The following ATP11B variants were observed in gnomAD, a reference collection of about 807,000 sequenced individuals.
ATP11B encodes the protein ATPase phospholipid transporting 11B (putative), also known as phospholipid-transporting ATPase IF.
ATP11B carries 81 observed loss-of-function variants against 157.8 expected under a neutral mutation model. The observed-to-expected ratio is 0.51, with a 90% CI of 0.43 to 0.62. The LOEUF is 0.62. Ranked by LOEUF, ATP11B falls within the 20% of genes least tolerant of loss-of-function variation. ATP11B has a pLI of 0.00. For missense variants in ATP11B, 1,165 were observed against 1,402.2 expected, an observed-to-expected ratio of 0.83 and a Z score of 2.70; for synonymous variants, 451 against 469.4, an observed-to-expected ratio of 0.96 and a Z score of 0.51.
intron 19 of ATP11B, among the ~76,000 whole-genome samples, chr3:182,875,625 A>G (rs1182298492): frequency 1.3e-5 from 2 of 151,990 alleles, no homozygotes; most frequent in African/African-American, 4.8e-5. Flanking sequence ...ATTTTTAGTA[A>G]AGACAGGGTT....
intron 23 of ATP11B, among the ~76,000 whole-genome samples, chr3:182,887,336 C>T (rs545785552): frequency 5.9e-4 from 90 of 152,292 alleles, no homozygotes; most frequent in African/African-American, 2.2e-3. Context: ...GTTGATCTAA[C>T]TCACGATAAT....
chr3:182,900,309 AAATAAT>A (rs1723864662), intron 28 of ATP11B, among the ~76,000 whole-genome samples: 1 of 152,198 alleles, frequency 6.6e-6, no homozygotes, highest in South Asian at 2.1e-4. Flanking sequence ...AAAATCAGAA[AAATAAT>A]TGCTACTTTA....
At chr3:182,825,113 AAAGCCATGATG>A (rs1717627281) in intron 2 of ATP11B, among the ~76,000 whole-genome samples, 1 of 152,162 alleles carries the variant, frequency 6.6e-6, no homozygotes, top group Admixed American at 6.5e-5. Flanking sequence ...TCTATCTCAC[AAAGCCATGATG>A]AGCTTTTCTC....
At chr3:182,899,096 A>G (rs938462178) in intron 28 of ATP11B, among the ~76,000 whole-genome samples, 3 of 151,498 alleles carry the variant, frequency 2.0e-5, no homozygotes, top group Non-Finnish European at 4.4e-5. Flanking sequence ...ATTCTATCAT[A>G]TATATATAAT....
At chr3:182,842,211 A>G in intron 8 of ATP11B, 89 bp downstream of exon 8, 1 of 909,964 alleles carries the variant, frequency 1.1e-6, no homozygotes, top group Admixed American at 2.3e-5. Flanking sequence ...TTATGTAAAT[A>G]AGCAGCCCAT....
intron 9 of ATP11B, among the ~76,000 whole-genome samples, chr3:182,846,859 G>T (rs1719572624): frequency 6.6e-6 from 1 of 152,018 alleles, no homozygotes; most frequent in South Asian, 2.1e-4. Flanking sequence ...ATGGGTACAG[G>T]GTTTTCTTTG....
Position 182,816,894 on chromosome 3 carries a change from G to T in ATP11B, c.28-3366G>T, listed in dbSNP as rs373869190. The stretch of plus-strand genomic sequence containing the variant: ...TTCTTTTATTTTTATTTAGATTGTG[G>T]CTAGTTTAATTTGTTGCAGCAAAGT... On this transcript the variant is annotated intron_variant, in intron 1 of 29. Transcript: ENST00000323116. Among the ~76,000 whole-genome samples, 37 of 152,162 alleles carry T rather than the reference G, an allele frequency of 2.4e-4. No homozygotes were observed. In the East Asian group the frequency reaches 3.9e-3, roughly 16 times the overall value.
At chr3:182,797,735 G>T (rs1044538110) in intron 1 of ATP11B, among the ~76,000 whole-genome samples, 1 of 148,518 alleles carries the variant, frequency 6.7e-6, no homozygotes, top group African/African-American at 2.5e-5. Context: ...AAAGAAAAAA[G>T]AACTCTCATT....
intron 19 of ATP11B, among the ~76,000 whole-genome samples, chr3:182,879,221 A>G (rs970375664): frequency 2.0e-5 from 3 of 152,200 alleles, no homozygotes; most frequent in African/African-American, 4.8e-5. Flanking sequence ...GTGAGCCACT[A>G]TACTCCAGCC....
chr3:182,883,911 C>T (rs1320043861), intron 21 of ATP11B, among the ~76,000 whole-genome samples: 1 of 145,852 alleles, frequency 6.9e-6, no homozygotes, highest in African/African-American at 2.5e-5. Context: ...GCCGAGATCC[C>T]GCCACTGCAC....
In ATP11B at chr3:182,848,525, G is replaced by A; in HGVS notation, c.819G>A (p.Lys273=). ...GMETKMALNY[K]SKSQKRSAVE... Reference sequence around the variant, plus strand: ...AAACTAAGATGGCATTAAATTACAAGAGCAAATCACAGAAACGATCTGCAG... The same window carrying A: ...AAACTAAGATGGCATTAAATTACAAAAGCAAATCACAGAAACGATCTGCAG... Residue 273 remains lysine, a synonymous_variant, in exon 10 of 30, where the codon AAG becomes AAA. Coordinates refer to ENST00000323116, the MANE Select transcript of ATP11B (RefSeq NM_014616.3). 1 of 1,572,728 alleles carries A rather than the reference G, an allele frequency of 6.4e-7. No individual in the cohort carries two copies. Among genetic ancestry groups the A allele is most frequent in the Non-Finnish European group, 8.6e-7 (1 of 1,158,774 alleles).
At chr3:182,903,875 A>G (rs1353988996) in intron 28 of ATP11B, among the ~76,000 whole-genome samples, 1 of 152,236 alleles carries the variant, frequency 6.6e-6, no homozygotes, top group Non-Finnish European at 1.5e-5. Context: ...ATTGTGACTA[A>G]TTATATTTTT....
intron 10 of ATP11B, among the ~76,000 whole-genome samples, chr3:182,853,026 C>T (rs1720098922): frequency 6.6e-6 from 1 of 152,110 alleles, no homozygotes. Flanking sequence ...TAACATTATT[C>T]TAGAAGCCTC....
At chr3:182,901,355 A>C (rs1212393411) in intron 28 of ATP11B, among the ~76,000 whole-genome samples, 2 of 145,918 alleles carry the variant, frequency 1.4e-5, no homozygotes, top group Admixed American at 7.0e-5. Flanking sequence ...AAAAAAAAAC[A>C]AAAAAAAAAC....
chr3:182,855,244 C>A (rs1415441338), intron 10 of ATP11B, among the ~76,000 whole-genome samples: 1 of 152,064 alleles, frequency 6.6e-6, no homozygotes, highest in East Asian at 1.9e-4. Flanking sequence ...CCAGAACAGA[C>A]CAACACTAAT....
chr3:182,870,030 A>G (rs575576687), intron 17 of ATP11B, among the ~76,000 whole-genome samples: 1 of 152,330 alleles, frequency 6.6e-6, no homozygotes, highest in Admixed American at 6.5e-5. Context: ...TACTACATTT[A>G]TATGAAATAT....
intron 1 of ATP11B, among the ~76,000 whole-genome samples, chr3:182,801,226 T>A (rs1220186621): frequency 6.6e-6 from 1 of 152,218 alleles, no homozygotes; most frequent in African/African-American, 2.4e-5. Context: ...AATACCAAAT[T>A]AAGGATATTA....
At chr3:182,844,898 A>G (rs977846189) in intron 8 of ATP11B, among the ~76,000 whole-genome samples, 4 of 151,544 alleles carry the variant, frequency 2.6e-5, no homozygotes, top group Admixed American at 2.6e-4. Flanking sequence ...CTGTATTTAC[A>G]TGCATAATCA....
intron 9 of ATP11B, among the ~76,000 whole-genome samples, chr3:182,845,966 T>TA (rs1186020752): frequency 6.6e-6 from 1 of 152,202 alleles, no homozygotes; most frequent in Non-Finnish European, 1.5e-5. Flanking sequence ...TATTGGAACA[T>TA]ACACTGATTG....
Sources: allele counts gnomAD v4.1 joint callset (sites outside exome capture counted in the v4.1 genomes callset), GRCh38; gene constraint gnomAD v4.1.1; transcripts MANE v1.5; gene names NCBI Gene and HGNC (gene_info 2026-07-23, HGNC 2026-07-21).